Variants in ZNF383 observed in about 807,000 individuals in gnomAD.
ZNF383 encodes zinc finger protein 383.
In ZNF383, 32 loss-of-function variants were observed where a neutral mutation model predicts 44.2. That is an observed-to-expected ratio of 0.72 (90% CI 0.55 to 0.97). The LOEUF (loss-of-function observed/expected upper bound fraction) is 0.97, where lower values mean the gene tolerates loss of function less well. ZNF383 is among the 50% of genes least tolerant of loss of function. The pLI, the probability that ZNF383 is intolerant of heterozygous loss-of-function variation, is 0.00. For missense variants in ZNF383, 487 were observed against 562.5 expected, an observed-to-expected ratio of 0.87 and a Z score of 1.36; for synonymous variants, 155 against 186.2, an observed-to-expected ratio of 0.83 and a Z score of 1.36.
At position 37,243,723 on chromosome 19, in the gene ZNF383, G is replaced by T; in HGVS notation, c.*59G>T. Reference sequence around the variant, plus strand: ...TTTAAACCAAAAATCATGTCTAATAGTTACCCTCTTCCGTAGTTTTTTTTA... The same window carrying T: ...TTTAAACCAAAAATCATGTCTAATATTTACCCTCTTCCGTAGTTTTTTTTA... On this transcript the variant is annotated 3_prime_UTR_variant, in exon 6 of 6. Coordinates refer to ENST00000684119, the MANE Select transcript of ZNF383 (RefSeq NM_001387601.1). 4 of 1,162,542 alleles carry T rather than the reference G, an allele frequency of 3.4e-6. No individual in the cohort carries two copies. Among genetic ancestry groups the T allele is most frequent in the Non-Finnish European group, 3.6e-6 (3 of 838,632 alleles). The allele number at this position is 1,162,542 out of a possible 1,614,324, so 72.0% of individuals were successfully genotyped here.
At chr19:37,237,145 C>T (rs1973854599) in intron 5 of ZNF383, among the ~76,000 whole-genome samples, 1 of 152,096 alleles carries the variant, frequency 6.6e-6, no homozygotes, top group Non-Finnish European at 1.5e-5. Context: ...CCAGGTGCTA[C>T]AGTTTACTAA....
chr19:37,223,234 C>G (rs1973007636), intron 1 of ZNF383, among the ~76,000 whole-genome samples: 1 of 152,108 alleles, frequency 6.6e-6, no homozygotes, highest in African/African-American at 2.4e-5. Context: ...AACAGTGTAC[C>G]TTACAACTAC....
intron 1 of ZNF383, among the ~76,000 whole-genome samples, chr19:37,224,307 A>G (rs1973058341): frequency 6.6e-6 from 1 of 152,200 alleles, no homozygotes. Flanking sequence ...TTGGGAATTA[A>G]TAAAATTAAT....
intron 5 of ZNF383, among the ~76,000 whole-genome samples, chr19:37,237,519 C>G (rs1177480605): frequency 1.3e-5 from 2 of 152,192 alleles, no homozygotes; most frequent in Non-Finnish European, 1.5e-5. Context: ...CTGTAGTATT[C>G]ATGAAGGCAT....
In ZNF383 at chr19:37,244,782, G is replaced by C. The variant is rs1437241292; in HGVS notation, c.*1118G>C. The C allele has an allele frequency of 6.6e-6, 1 of 152,134 alleles. No homozygotes were observed. Among genetic ancestry groups the C allele is most frequent in the Non-Finnish European group, 1.5e-5 (1 of 68,016 alleles). 9.4% of individuals were successfully genotyped at this position (152,134 alleles called of 1,614,324 possible). On this transcript the variant is annotated 3_prime_UTR_variant, in exon 6 of 6. Coordinates refer to ENST00000684119, the MANE Select transcript of ZNF383 (RefSeq NM_001387601.1). ...TTAATTGTAATCATACTTATAGATG[G>C]CTGCTCTCAATTTGGTAGAGAAAAT... is the stretch of plus-strand genomic sequence containing the variant.
intron 3 of ZNF383, 40 bp downstream of exon 3, chr19:37,230,502 T>TAAA (rs56895666): frequency 4.3e-5 from 64 of 1,480,902 alleles, no homozygotes; most frequent in South Asian, 9.4e-5. Flanking sequence ...ACATTTAGTT[T>TAAA]AAAAAAAAAA....
chr19:37,225,631 T>C (rs1973123845), intron 2 of ZNF383, among the ~76,000 whole-genome samples: 1 of 152,080 alleles, frequency 6.6e-6, no homozygotes, highest in African/African-American at 2.4e-5. Context: ...GACTGGCTTC[T>C]TTCCAGTCAC....
At chr19:37,231,716 G>A (rs1161558784) in intron 3 of ZNF383, among the ~76,000 whole-genome samples, 10 of 152,140 alleles carry the variant, frequency 6.6e-5, no homozygotes, top group Non-Finnish European at 1.5e-5. Flanking sequence ...AGATCATGTA[G>A]CTGCTGTGTA....
intron 1 of ZNF383, among the ~76,000 whole-genome samples, chr19:37,221,914 C>G (rs1340974368): frequency 6.7e-6 from 1 of 150,294 alleles, no homozygotes; most frequent in Non-Finnish European, 1.5e-5. Context: ...CAAGATTGTG[C>G]CACCGCACTC....
intron 3 of ZNF383, among the ~76,000 whole-genome samples, chr19:37,233,169 C>T (rs530202332): frequency 1.3e-4 from 20 of 151,620 alleles, no homozygotes; most frequent in Non-Finnish European, 2.2e-4. Context: ...CTTGCTCTGT[C>T]GCCCAGGCTG....
Position 37,243,173 on chromosome 19 carries a change from A to T in ZNF383, c.937A>T (p.Lys313Ter), listed in dbSNP as rs757575064. The change falls in exon 6 of 6, where the codon AAG becomes TAG. Residue 313 changes from lysine to a stop codon, truncating the protein, a stop_gained. Transcript: ENST00000684119. LOFTEE classifies it high-confidence loss of function. ...TACAGGTGAGAAACCCTATGAATGT[A>T]AGGAATGTGGCAAAGCCTTTACCCA... ...IHTGEKPYECKECGKAFTQSS... is the reference protein window; with the variant it reads ...IHTGEKPYEC 8 of 1,614,172 alleles carry T rather than the reference A, an allele frequency of 5.0e-6. No individual in the cohort carries two copies. The highest frequency in any genetic ancestry group is 6.8e-6 in the Non-Finnish European group (8 of 1,180,024).
chr19:37,235,836 C>A, intron 4 of ZNF383, 143 bp from the exon 5 acceptor site: 1 of 1,223,686 alleles, frequency 8.2e-7, no homozygotes, highest in Non-Finnish European at 1.1e-6. Flanking sequence ...GGGAAATTGG[C>A]AACTCCAGTG....
intron 2 of ZNF383, among the ~76,000 whole-genome samples, chr19:37,225,443 A>G (rs1163778470): frequency 6.6e-6 from 1 of 152,150 alleles, no homozygotes; most frequent in Non-Finnish European, 1.5e-5. Context: ...ATATTGTACA[A>G]TAGATCTTTA....
At chr19:37,234,713 C>T (rs749989830) in intron 3 of ZNF383, among the ~76,000 whole-genome samples, 1 of 152,098 alleles carries the variant, frequency 6.6e-6, no homozygotes, top group African/African-American at 2.4e-5. Context: ...TTTTCAAACT[C>T]TAAATTTATA....
chr19:37,237,675 A>G (rs992826706), intron 5 of ZNF383, among the ~76,000 whole-genome samples: 1 of 152,126 alleles, frequency 6.6e-6, no homozygotes, highest in African/African-American at 2.4e-5. Flanking sequence ...CTGGAGGCTA[A>G]GAATTCTAAG....
chr19:37,242,064 T>TATAGTAC (rs1467170229), intron 5 of ZNF383, among the ~76,000 whole-genome samples: 4 of 39,052 alleles, frequency 1.0e-4, no homozygotes, highest in African/African-American at 3.5e-4. Context: ...ATATACTATA[T>TATAGTAC]AGATACTATA....
Position 37,246,784 on chromosome 19 carries a change from C to CT in ZNF383, c.*3121dup, listed in dbSNP as rs1471102852. The CT allele has an allele frequency of 1.3e-5, 2 of 152,056 alleles. No individual in the cohort carries two copies. The highest frequency in any genetic ancestry group is 2.9e-5 in the Non-Finnish European group (2 of 68,030). 9.4% of individuals were successfully genotyped at this position (152,056 alleles called of 1,614,324 possible). On this transcript the variant is annotated 3_prime_UTR_variant, in exon 6 of 6. Transcript: ENST00000684119. ...CCAGACTGGGTGACAGAGCGAGACTCTGTCTTACAAAATAAAAAATAAACG... is the reference window on the plus strand; with the variant it reads ...CCAGACTGGGTGACAGAGCGAGACTCTTGTCTTACAAAATAAAAAATAAACG...
chr19:37,227,071 T>C (rs796758064), intron 2 of ZNF383, among the ~76,000 whole-genome samples: 21 of 150,350 alleles, frequency 1.4e-4, no homozygotes, highest in African/African-American at 4.9e-4. Flanking sequence ...CCTCCCAAAG[T>C]GCTGGGATTA....
rs928409662 is a variant in ZNF383 at position 37,247,372 on chromosome 19, T to C, written c.*3708T>C. ...AATAAACAATATTGTATATGAGAAATTGAAATGGCTATATATGTAAACTTA... is the reference window on the plus strand; with the variant it reads ...AATAAACAATATTGTATATGAGAAACTGAAATGGCTATATATGTAAACTTA... On this transcript the variant is annotated 3_prime_UTR_variant, in exon 6 of 6. Transcript: ENST00000684119. The C allele has an allele frequency of 3.3e-5, 5 of 152,176 alleles. No individual in the cohort carries two copies. The highest frequency in any genetic ancestry group is 1.2e-4 in the African/African-American group (5 of 41,446). 9.4% of individuals were successfully genotyped at this position (152,176 alleles called of 1,614,324 possible). A position where few individuals can be genotyped will look rare whatever the true frequency, so the allele number is the denominator to read the frequency against.
Sources: allele counts gnomAD v4.1 joint callset (sites outside exome capture counted in the v4.1 genomes callset), GRCh38; gene constraint gnomAD v4.1.1; transcripts MANE v1.5; gene names NCBI Gene and HGNC (gene_info 2026-07-23, HGNC 2026-07-21).